SETD4: variants seen among roughly 807,000 people sequenced by gnomAD.
SETD4 encodes SET domain containing 4, also known as SET domain-containing protein 4.
SETD4 carries 46 observed loss-of-function variants against 58.3 expected under a neutral mutation model. The ratio of observed to expected loss-of-function variants is 0.79; its 90% CI spans 0.62 to 1.01. The LOEUF is 1.01. Ranked by LOEUF, SETD4 falls within the 50% of genes least tolerant of loss-of-function variation. The pLI, the probability that SETD4 is intolerant of heterozygous loss-of-function variation, is 0.00. For synonymous variants in SETD4, 190 were observed against 202.6 expected (o/e 0.94, Z 0.53); for missense variants, 490 against 523.3 (o/e 0.94, Z 0.62).
chr21:36,048,195 C>T, intron 5 of SETD4, 113 bp downstream of exon 5: 1 of 875,548 alleles, frequency 1.1e-6, no homozygotes, highest in Non-Finnish European at 1.9e-6. Context: ...GGTTATTTAT[C>T]AGCTCTACAA....
chr21:36,046,057 A>T, intron 5 of SETD4, 46 bp from the exon 6 acceptor site: 2 of 1,580,404 alleles, frequency 1.3e-6, no homozygotes, highest in Non-Finnish European at 1.7e-6. Flanking sequence ...TTGATTCAAA[A>T]TACGAAATAA....
intron 8 of SETD4, among the ~76,000 whole-genome samples, chr21:36,041,421 G>C (rs556194604): frequency 6.6e-6 from 1 of 152,132 alleles, no homozygotes; most frequent in East Asian, 1.9e-4. Context: ...GAATCACCTC[G>C]CTACCCACCT....
chr21:36,048,451 A>G, intron 4 of SETD4, 55 bp from the exon 5 acceptor site: 10 of 1,499,650 alleles, frequency 6.7e-6, no homozygotes, highest in Non-Finnish European at 9.3e-6. Flanking sequence ...AGGACCCATG[A>G]GTATGAGTCT....
chr21:36,049,308 A>C (rs186497352), intron 4 of SETD4, among the ~76,000 whole-genome samples: 6 of 152,266 alleles, frequency 3.9e-5, no homozygotes, highest in Admixed American at 1.3e-4. Flanking sequence ...TCATCCCAGC[A>C]CTTTGGGAGG....
At chr21:36,049,311 T>C in intron 4 of SETD4, among the ~76,000 whole-genome samples, 1 of 152,144 alleles carries the variant, frequency 6.6e-6, no homozygotes, top group Admixed American at 6.5e-5. Context: ...TCCCAGCACT[T>C]TGGGAGGCTG....
intron 8 of SETD4, among the ~76,000 whole-genome samples, chr21:36,041,079 G>A (rs2058101710): frequency 6.9e-6 from 1 of 145,548 alleles, no homozygotes; most frequent in South Asian, 2.2e-4. Context: ...AGAATGGCGT[G>A]AACCCGGGAG....
At chr21:36,039,282 G>A (rs1035259386) in intron 9 of SETD4, among the ~76,000 whole-genome samples, 2 of 152,194 alleles carry the variant, frequency 1.3e-5, no homozygotes, top group African/African-American at 2.4e-5. Flanking sequence ...CACTCACCCT[G>A]AGTGACAGAG....
At chr21:36,049,784 CT>C (rs1043718550) in intron 4 of SETD4, among the ~76,000 whole-genome samples, 2 of 152,128 alleles carry the variant, frequency 1.3e-5, no homozygotes, top group African/African-American at 4.8e-5. Flanking sequence ...TTTTCAAAAA[CT>C]TTTGATAAAA....
At position 36,057,120 on chromosome 21, in the gene SETD4, G is replaced by A. The variant is rs748737964; in HGVS notation, c.158C>T (p.Ala53Val). ...RKFQDSNLAP[A>V]CFPGTGRGLM... ...AGGCTAGATCTTACCTGGAAAACAA[G>A]CAGGCGCTAAGTTTGAATCTTGAAA... Residue 53 changes from alanine to valine, a missense_variant, in exon 3 of 12, where the codon GCT (alanine) becomes GTT (valine). Physicochemically the swap from Ala to Val is moderately conservative, Grantham distance 64. Coordinates refer to ENST00000332131, the MANE Select transcript of SETD4 (RefSeq NM_017438.5). The A allele has an allele frequency of 6.2e-7, 1 of 1,613,926 alleles. No homozygotes were observed. The highest frequency in any genetic ancestry group is 1.7e-5 in the Admixed American group (1 of 60,018).
intron 5 of SETD4, among the ~76,000 whole-genome samples, chr21:36,047,115 C>T (rs566418253): frequency 3.3e-5 from 5 of 152,232 alleles, no homozygotes; most frequent in African/African-American, 1.2e-4. Context: ...ATTAGCAGGG[C>T]ATGGTGGCGC....
chr21:36,056,735 T>G (rs1462722891), intron 3 of SETD4, among the ~76,000 whole-genome samples: 1 of 151,964 alleles, frequency 6.6e-6, no homozygotes, highest in African/African-American at 2.4e-5. Flanking sequence ...CTTTTGTACT[T>G]TTAGTAGAGA....
intron 4 of SETD4, chr21:36,051,078 C>A: frequency 1.0e-5 from 15 of 1,434,314 alleles, no homozygotes; most frequent in Non-Finnish European, 1.5e-5. Context: ...CATCGTCTTT[C>A]ATAAGGCTTG....
intron 9 of SETD4, among the ~76,000 whole-genome samples, chr21:36,038,906 G>A (rs1403743190): frequency 1.3e-5 from 2 of 152,138 alleles, no homozygotes; most frequent in African/African-American, 4.8e-5. Flanking sequence ...AGAGGTGGCA[G>A]CGCCAGACCT....
At chr21:36,050,074 G>C in intron 4 of SETD4, 2 of 597,168 alleles carry the variant, frequency 3.3e-6, no homozygotes, top group Non-Finnish European at 6.0e-6. Context: ...TAGGAGGGTG[G>C]TGCACTCTAA....
intron 4 of SETD4, among the ~76,000 whole-genome samples, chr21:36,048,892 G>A (rs1253902356): frequency 1.3e-5 from 2 of 151,888 alleles, no homozygotes; most frequent in African/African-American, 2.4e-5. Flanking sequence ...CCTAATTTTT[G>A]TATTTTTAGT....
At chr21:36,040,977 G>A (rs918732397) in intron 8 of SETD4, among the ~76,000 whole-genome samples, 1 of 151,792 alleles carries the variant, frequency 6.6e-6, no homozygotes, top group Non-Finnish European at 1.5e-5. Context: ...TGGCTAACAC[G>A]GTGAAACCCC....
chr21:36,047,278 T>C (rs1051081896), intron 5 of SETD4, among the ~76,000 whole-genome samples: 1 of 152,064 alleles, frequency 6.6e-6, no homozygotes, highest in African/African-American at 2.4e-5. Context: ...AAAAACGGTA[T>C]ACTCTTTCAA....
intron 3 of SETD4, among the ~76,000 whole-genome samples, chr21:36,056,267 T>A (rs1466749849): frequency 6.6e-6 from 1 of 152,232 alleles, no homozygotes; most frequent in Non-Finnish European, 1.5e-5. Flanking sequence ...AATTACCTAA[T>A]GGGTACTTGA....
chr21:36,058,405 G>C (rs886483518), intron 2 of SETD4, among the ~76,000 whole-genome samples: 1 of 151,804 alleles, frequency 6.6e-6, no homozygotes, highest in African/African-American at 2.4e-5. Flanking sequence ...GGAGGCTGAG[G>C]CAGGAGGGAG....
Sources: allele counts gnomAD v4.1 joint callset (sites outside exome capture counted in the v4.1 genomes callset), GRCh38; gene constraint gnomAD v4.1.1; transcripts MANE v1.5; gene names NCBI Gene and HGNC (gene_info 2026-07-23, HGNC 2026-07-21).